The following KCNAB1 variants were observed in gnomAD, a reference collection of about 807,000 sequenced individuals.
The protein encoded by KCNAB1 is potassium voltage-gated channel subfamily A regulatory beta subunit 1.
KCNAB1 carries 35 observed loss-of-function variants against 64.6 expected under a neutral mutation model. The ratio of observed to expected loss-of-function variants is 0.54; its 90% confidence interval spans 0.41 to 0.72. The LOEUF (loss-of-function observed/expected upper bound fraction) is 0.72. Ranked by LOEUF, KCNAB1 falls within the 30% of genes least tolerant of loss-of-function variation. The probability of loss-of-function intolerance (pLI) is 0.00; values close to 1 mark genes in which losing one functional copy is unlikely to be tolerated. For missense variants in KCNAB1, 401 were observed against 512.9 expected, an observed-to-expected ratio of 0.78 and a Z score of 2.11; for synonymous variants, 177 against 183.8, an observed-to-expected ratio of 0.96 and a Z score of 0.30.
intron 8 of KCNAB1, among the ~76,000 whole-genome samples, chr3:156,478,767 C>G (rs531303869): frequency 6.6e-6 from 1 of 152,208 alleles, no homozygotes; most frequent in African/African-American, 2.4e-5. Context: ...ATACAGCAAC[C>G]ATTTGAGCCA....
chr3:156,292,556 G>C (rs1720505264), intron 1 of KCNAB1, among the ~76,000 whole-genome samples: 1 of 152,052 alleles, frequency 6.6e-6, no homozygotes, highest in African/African-American at 2.4e-5. Context: ...TGTTTTGTTT[G>C]AGACAGAGTC....
At chr3:156,440,571 G>A (rs1716921184) in intron 2 of KCNAB1, among the ~76,000 whole-genome samples, 1 of 152,142 alleles carries the variant, frequency 6.6e-6, no homozygotes, top group South Asian at 2.1e-4. Context: ...ATTTACTATT[G>A]CTCCATTTTC....
At chr3:156,534,014 A>C (rs570966661) in intron 13 of KCNAB1, among the ~76,000 whole-genome samples, 1 of 152,280 alleles carries the variant, frequency 6.6e-6, no homozygotes, top group South Asian at 2.1e-4. Flanking sequence ...GGCTTTGCCT[A>C]TCCTAAAGGG....
At chr3:156,193,759 G>A (rs1434621602) in intron 1 of KCNAB1, among the ~76,000 whole-genome samples, 3 of 152,062 alleles carry the variant, frequency 2.0e-5, no homozygotes, top group East Asian at 1.9e-4. Context: ...TCCCTTCCTC[G>A]ACATGTGGGG....
At chr3:156,408,638 G>A (rs920018272) in intron 1 of KCNAB1, among the ~76,000 whole-genome samples, 2 of 151,930 alleles carry the variant, frequency 1.3e-5, no homozygotes, top group African/African-American at 4.8e-5. Context: ...AAATTAGCCG[G>A]GTGTGGTGGG....
intron 1 of KCNAB1, chr3:156,175,778 T>A: frequency 1.7e-6 from 1 of 578,428 alleles, no homozygotes; most frequent in Non-Finnish European, 3.2e-6. Flanking sequence ...GAAGGGAGGG[T>A]GCTAGCCTGG....
At position 156,171,014 on chromosome 3, in the gene KCNAB1, A is replaced by G. The variant is rs994855387; in HGVS notation, c.275+50128A>G. Among the ~76,000 whole-genome samples the G allele has an allele frequency of 1.3e-4, 20 of 152,294 alleles. No homozygotes were observed. The Middle Eastern group carries it at 0.01, about 78-fold the overall frequency. On this transcript the variant is annotated intron_variant, in intron 1 of 13. Transcript: ENST00000490337. ...ATACATCTGAGAAACAAATTGTTCA[A>G]TTGACCCAGGAATTACGTACACTGC...
At chr3:156,252,756 C>T (rs761821368) in intron 1 of KCNAB1, among the ~76,000 whole-genome samples, 2 of 152,168 alleles carry the variant, frequency 1.3e-5, no homozygotes, top group Non-Finnish European at 2.9e-5. Flanking sequence ...GCACTCAGGA[C>T]AGGCTTTCTT....
chr3:156,512,708 C>T lies in KCNAB1; in HGVS notation c.659-1656C>T, dbSNP rs747881960. On this transcript the variant is annotated intron_variant, in intron 8 of 13. Transcript: ENST00000490337. Reference sequence around the variant, plus strand: ...TTTGTATAATGAAAGAGAAGAAAAGCGGTTCCTTACACTTTTTTAATCATA... The same window carrying T: ...TTTGTATAATGAAAGAGAAGAAAAGTGGTTCCTTACACTTTTTTAATCATA... 5.1e-4 allele frequency among the ~76,000 whole-genome samples: 78 copies of T among 152,308 alleles called. 1 individual carries two copies. The highest frequency in any genetic ancestry group is 2.1e-3 in the South Asian group (10 of 4,826).
At chr3:156,301,012 T>C (rs1721120374) in intron 1 of KCNAB1, among the ~76,000 whole-genome samples, 1 of 152,204 alleles carries the variant, frequency 6.6e-6, no homozygotes, top group South Asian at 2.1e-4. Flanking sequence ...TAACATCTTA[T>C]AGGAGAATGC....
intron 2 of KCNAB1, among the ~76,000 whole-genome samples, chr3:156,443,757 C>T (rs1022149862): frequency 1.3e-5 from 2 of 151,084 alleles, no homozygotes; most frequent in African/African-American, 2.5e-5. Context: ...CACACACACA[C>T]ACACACACAC....
chr3:156,208,323 C>G (rs1440626225), intron 1 of KCNAB1, among the ~76,000 whole-genome samples: 1 of 152,140 alleles, frequency 6.6e-6, no homozygotes, highest in Non-Finnish European at 1.5e-5. Flanking sequence ...CTTTTTGATG[C>G]TCCTCCTTTT....
chr3:156,398,464 T>C (rs1713636529), intron 1 of KCNAB1, among the ~76,000 whole-genome samples: 3 of 151,606 alleles, frequency 2.0e-5, no homozygotes, highest in Admixed American at 1.3e-4. Context: ...AGGTGGCGGG[T>C]GCCTGTATTC....
chr3:156,149,727 C>T (rs994207508), intron 1 of KCNAB1, among the ~76,000 whole-genome samples: 1 of 152,204 alleles, frequency 6.6e-6, no homozygotes, highest in Non-Finnish European at 1.5e-5. Context: ...CCAGGAAAGA[C>T]TATCCCTCTT....
At chr3:156,132,749 A>G (rs1714078024) in intron 1 of KCNAB1, among the ~76,000 whole-genome samples, 1 of 152,220 alleles carries the variant, frequency 6.6e-6, no homozygotes, top group Admixed American at 6.5e-5. Context: ...CAGTGTAATC[A>G]TTACACATGT....
At chr3:156,322,865 G>A (rs1310263490) in intron 1 of KCNAB1, among the ~76,000 whole-genome samples, 1 of 152,162 alleles carries the variant, frequency 6.6e-6, no homozygotes, top group Admixed American at 6.5e-5. Context: ...TGCCTAATGA[G>A]CCTCTTAGCC....
At chr3:156,386,636 C>T (rs1560231716) in intron 1 of KCNAB1, among the ~76,000 whole-genome samples, 1 of 152,056 alleles carries the variant, frequency 6.6e-6, no homozygotes, top group Non-Finnish European at 1.5e-5. Flanking sequence ...CCCTTTCCTG[C>T]CCTGCTCATG....
chr3:156,456,795 T>A (rs1160295740), intron 3 of KCNAB1: 1 of 152,536 alleles, frequency 6.6e-6, no homozygotes, highest in African/African-American at 2.4e-5. Flanking sequence ...TATTCTGTAC[T>A]CTTCTGTCAT....
chr3:156,298,758 T>C (rs1720960592), intron 1 of KCNAB1, among the ~76,000 whole-genome samples: 2 of 152,328 alleles, frequency 1.3e-5, no homozygotes, highest in Admixed American at 1.3e-4. Flanking sequence ...TCATACTTTT[T>C]CTTGAAGAAT....
Sources: allele counts gnomAD v4.1 joint callset (sites outside exome capture counted in the v4.1 genomes callset), GRCh38; gene constraint gnomAD v4.1.1; transcripts MANE v1.5; gene names NCBI Gene and HGNC (gene_info 2026-07-23, HGNC 2026-07-21).